FBN2: variants seen among roughly 807,000 people sequenced by gnomAD.
FBN2 encodes fibrillin-2.
A neutral mutation model predicts 355.6 loss-of-function variants in FBN2; 105 were observed. That is an observed-to-expected ratio of 0.30 (90% CI 0.25 to 0.35). The LOEUF is 0.35. Ranked by LOEUF, FBN2 falls within the 10% of genes least tolerant of loss-of-function variation. The pLI is 1.00. For missense variants in FBN2, 3,280 were observed against 3,758.7 expected, an observed-to-expected ratio of 0.87 and a Z score of 3.33; for synonymous variants, 1,350 against 1,301.2, an observed-to-expected ratio of 1.04 and a Z score of -0.81.
At chr5:128,278,915 G>T in intron 56 of FBN2, 74 bp from the exon 57 acceptor site, 1 of 1,239,392 alleles carries the variant, frequency 8.1e-7, no homozygotes, top group Admixed American at 1.9e-5. Context: ...AATTAAGCAG[G>T]GCAGTCAAGA....
intron 6 of FBN2, among the ~76,000 whole-genome samples, chr5:128,463,655 A>T (rs1003487839): frequency 6.6e-6 from 1 of 152,190 alleles, no homozygotes; most frequent in African/African-American, 2.4e-5. Flanking sequence ...TTATTCAATG[A>T]ACTAAAGTTA....
chr5:128,376,760 A>G lies in FBN2; in HGVS notation c.1943T>C (p.Val648Ala), dbSNP rs1752087413. ...ACAGTAACGCCCATTTGGAGCCAAGACAAATCCTGGTTTGCAGATGCACTT... is the reference window on the plus strand; with the variant it reads ...ACAGTAACGCCCATTTGGAGCCAAGGCAAATCCTGGTTTGCAGATGCACTT... ...SFKCICKPGF[V>A]LAPNGRYCTD... Residue 648 changes from valine to alanine, a missense_variant, in exon 14 of 65, where the codon GTC becomes GCC. By Grantham distance (64) the Val-to-Ala change is moderately conservative. Around this residue, in one of 6 missense-constraint regions of FBN2, gnomAD observed 2,284 missense variants for 2,749.5 expected, o/e 0.83. Transcript: ENST00000262464. 5 of 1,613,774 alleles carry G rather than the reference A, an allele frequency of 3.1e-6. No individual in the cohort carries two copies. Among genetic ancestry groups the G allele is most frequent in the Non-Finnish European group, 4.2e-6 (5 of 1,179,730 alleles).
intron 5 of FBN2, among the ~76,000 whole-genome samples, chr5:128,504,102 T>C (rs2127143747): frequency 6.6e-6 from 1 of 152,316 alleles, no homozygotes. Context: ...CACATGGTGT[T>C]GGGCCTGTGA....
chr5:128,274,389 C>T (rs2126805738), intron 60 of FBN2, among the ~76,000 whole-genome samples, 178 bp downstream of exon 60: 1 of 151,980 alleles, frequency 6.6e-6, no homozygotes, highest in Middle Eastern at 3.4e-3. Flanking sequence ...CTTTTTTTTC[C>T]CTTTGGATAT....
At chr5:128,514,522 A>G (rs1013631676) in intron 5 of FBN2, among the ~76,000 whole-genome samples, 4 of 152,196 alleles carry the variant, frequency 2.6e-5, no homozygotes, top group Admixed American at 2.6e-4. Context: ...AGTTCCAAGT[A>G]CTTAGCCTAA....
chr5:128,417,877 T>C (rs1315656191), intron 7 of FBN2, among the ~76,000 whole-genome samples: 1 of 152,176 alleles, frequency 6.6e-6, no homozygotes, highest in Non-Finnish European at 1.5e-5. Flanking sequence ...TTTTCAATTT[T>C]TGGGAATAGT....
At chr5:128,351,363 A>G (rs1751359118) in intron 20 of FBN2, among the ~76,000 whole-genome samples, 1 of 152,164 alleles carries the variant, frequency 6.6e-6, no homozygotes, top group African/African-American at 2.4e-5. Flanking sequence ...CCTGGTCAAC[A>G]TGGTGAAACC....
intron 33 of FBN2, 30 bp downstream of exon 33, chr5:128,330,543 G>T (rs768062237): frequency 1.2e-6 from 2 of 1,613,180 alleles, no homozygotes; most frequent in East Asian, 2.2e-5. Context: ...TGACCATCCC[G>T]TCAGAGCACA....
intron 24 of FBN2, 22 bp downstream of exon 24, chr5:128,345,335 G>A (rs778455646): frequency 1.3e-6 from 2 of 1,590,640 alleles, no homozygotes; most frequent in Non-Finnish European, 1.7e-6. Context: ...GAAGGACCAA[G>A]GCGCTGGCCG....
intron 9 of FBN2, 108 bp downstream of exon 9, chr5:128,395,014 G>T: frequency 7.9e-7 from 1 of 1,271,432 alleles, no homozygotes; most frequent in South Asian, 1.2e-5. Context: ...TTGAACTTCT[G>T]GACTCAAGCA....
intron 5 of FBN2, among the ~76,000 whole-genome samples, chr5:128,492,808 A>C (rs1316063840): frequency 7.5e-6 from 1 of 133,354 alleles, no homozygotes; most frequent in Non-Finnish European, 1.5e-5. Flanking sequence ...CATCTCAAAA[A>C]AAAAAAAAAA....
chr5:128,333,642 T>C (rs1750751410), intron 31 of FBN2, among the ~76,000 whole-genome samples: 1 of 152,036 alleles, frequency 6.6e-6, no homozygotes, highest in South Asian at 2.1e-4. Flanking sequence ...GAATGTTATC[T>C]GGAAAGTAGC....
chr5:128,450,374 A>C (rs564365416), intron 6 of FBN2, among the ~76,000 whole-genome samples: 2 of 152,274 alleles, frequency 1.3e-5, no homozygotes, highest in East Asian at 3.9e-4. Context: ...AGAAAGTAAT[A>C]AAGGAAAAAA....
Position 128,332,561 on chromosome 5 carries a change from T to C in FBN2, c.4222+351A>G, listed in dbSNP as rs577666987. ...TAGGTTATCTGAAAAAACCTTTTCA[T>C]TGCTCTCCATTTATTCCACTGGATT... On this transcript the variant is annotated intron_variant, in intron 32 of 64. Coordinates refer to ENST00000262464, the MANE Select transcript of FBN2 (RefSeq NM_001999.4). 4.6e-5 allele frequency among the ~76,000 whole-genome samples: 7 copies of C among 152,358 alleles called. No homozygotes were observed. The East Asian group carries it at 1.3e-3, about 29-fold the overall frequency.
intron 7 of FBN2, among the ~76,000 whole-genome samples, chr5:128,439,119 A>G (rs935661000): frequency 1.6e-4 from 24 of 152,190 alleles, no homozygotes; most frequent in African/African-American, 5.3e-4. Flanking sequence ...CACTGTGTGC[A>G]TGTTTTTAAT....
At chr5:128,304,635 T>C (rs1226695460) in intron 45 of FBN2, among the ~76,000 whole-genome samples, 1 of 152,172 alleles carries the variant, frequency 6.6e-6, no homozygotes, top group Non-Finnish European at 1.5e-5. Context: ...GCGGGTGCTA[T>C]GGTAAGTTCC....
intron 20 of FBN2, among the ~76,000 whole-genome samples, chr5:128,355,845 G>T (rs1277988431): frequency 6.6e-6 from 1 of 152,160 alleles, no homozygotes; most frequent in Non-Finnish European, 1.5e-5. Context: ...ATATGGTGGT[G>T]GTTAGTTGTT....
At chr5:128,511,293 C>T (rs1244780563) in intron 5 of FBN2, among the ~76,000 whole-genome samples, 1 of 152,190 alleles carries the variant, frequency 6.6e-6, no homozygotes, top group Admixed American at 6.5e-5. Flanking sequence ...AGCTCCTCTA[C>T]TCAGTGCCTA....
At chr5:128,344,195 G>A (rs967022540) in intron 25 of FBN2, among the ~76,000 whole-genome samples, 190 bp downstream of exon 25, 6 of 152,284 alleles carry the variant, frequency 3.9e-5, no homozygotes, top group South Asian at 2.1e-4. Flanking sequence ...AAGTTACAGT[G>A]AGCCATGATC....
Sources: allele counts gnomAD v4.1 joint callset (sites outside exome capture counted in the v4.1 genomes callset), GRCh38; gene constraint gnomAD v4.1.1; regional missense constraint gnomAD v4.1.1; transcripts MANE v1.5; gene names NCBI Gene and HGNC (gene_info 2026-07-23, HGNC 2026-07-21).